Variants in SCFD2 observed in about 807,000 individuals in gnomAD.
The protein encoded by SCFD2 is sec1 family domain containing 2.
SCFD2 carries 54 observed loss-of-function variants against 58.9 expected under a neutral mutation model. The observed-to-expected ratio is 0.92, with a 90% confidence interval of 0.74 to 1.15. The LOEUF is 1.15. Ranked by LOEUF, SCFD2 falls within the 50% of genes most tolerant of loss-of-function variation. The probability of loss-of-function intolerance (pLI) is 0.00; values close to 1 mark genes in which losing one functional copy is unlikely to be tolerated. For synonymous variants in SCFD2, 321 were observed against 335.9 expected (o/e 0.96, Z 0.49); for missense variants, 805 against 836.6 (o/e 0.96, Z 0.47).
intron 5 of SCFD2, among the ~76,000 whole-genome samples, chr4:53,021,293 A>G (rs1722343755): frequency 6.6e-6 from 1 of 152,242 alleles, no homozygotes; most frequent in Non-Finnish European, 1.5e-5. Context: ...GTATCTTTAA[A>G]AGGATAACTT....
At chr4:53,335,217 C>CAA (rs1271483162) in intron 2 of SCFD2, among the ~76,000 whole-genome samples, 1 of 115,094 alleles carries the variant, frequency 8.7e-6, no homozygotes, top group African/African-American at 3.1e-5. Flanking sequence ...AAAAAAACAA[C>CAA]AAAAAAAAAA....
chr4:53,144,322 G>A (rs1307553682), intron 5 of SCFD2, among the ~76,000 whole-genome samples: 2 of 150,540 alleles, frequency 1.3e-5, no homozygotes, highest in Non-Finnish European at 3.0e-5. Context: ...TGTAATATAT[G>A]TGTGTATATA....
intron 4 of SCFD2, among the ~76,000 whole-genome samples, chr4:53,200,976 T>C (rs1577833928): frequency 6.6e-6 from 1 of 150,778 alleles, no homozygotes; most frequent in South Asian, 2.1e-4. Context: ...TTGATATGAT[T>C]TATAATACAA....
intron 4 of SCFD2, among the ~76,000 whole-genome samples, chr4:53,244,168 T>C (rs1729989014): frequency 6.6e-6 from 1 of 151,866 alleles, no homozygotes; most frequent in Non-Finnish European, 1.5e-5. Flanking sequence ...CCACTGACAG[T>C]ATTAGATCAT....
intron 5 of SCFD2, among the ~76,000 whole-genome samples, chr4:52,975,523 A>G (rs1721231938): frequency 6.6e-6 from 1 of 152,196 alleles, no homozygotes; most frequent in African/African-American, 2.4e-5. Flanking sequence ...AGGAAACAAC[A>G]GGTGCTGGAG....
intron 5 of SCFD2, among the ~76,000 whole-genome samples, chr4:52,923,022 A>T (rs1719777041): frequency 6.6e-6 from 1 of 152,240 alleles, no homozygotes; most frequent in Non-Finnish European, 1.5e-5. Context: ...AGCATCCAAA[A>T]GAATCCAGCT....
intron 4 of SCFD2, among the ~76,000 whole-genome samples, chr4:53,196,798 C>T (rs964691706): frequency 1.2e-4 from 18 of 151,094 alleles, no homozygotes; most frequent in African/African-American, 4.4e-4. Flanking sequence ...AAGTCTAAAT[C>T]ATGCCAATGT....
At chr4:53,238,421 T>C (rs1577880623) in intron 4 of SCFD2, among the ~76,000 whole-genome samples, 3 of 106,162 alleles carry the variant, frequency 2.8e-5, no homozygotes, top group Admixed American at 9.6e-5. Flanking sequence ...CCTACCTCCC[T>C]CCCGGATGGG....
rs568968064 is a variant in SCFD2 at position 53,218,593 on chromosome 4, T to G, written c.1311+55233A>C. ...TTCTTTGCGATGGGTTTGCACTTCC[T>G]ACTTTAGCTCAGAGAAGTTTGATCG... On this transcript the variant is annotated intron_variant, in intron 4 of 8. Coordinates refer to ENST00000401642, the MANE Select transcript of SCFD2 (RefSeq NM_152540.4). Among the ~76,000 whole-genome samples the G allele has an allele frequency of 2.0e-5, 3 of 152,366 alleles. No homozygotes were observed. In the South Asian group the frequency reaches 6.2e-4, roughly 32 times the overall value.
At position 53,349,434 on chromosome 4, in the gene SCFD2, T is replaced by C. The variant is rs547425306; in HGVS notation, c.1007+3164A>G. On this transcript the variant is annotated intron_variant, in intron 2 of 8. Transcript: ENST00000401642. ...CAAGGCCACCTTCCACGTGTTAGCA[T>C]TAACTTCCAGATGTGAGCAAGATAG... is the stretch of plus-strand genomic sequence containing the variant. Among the ~76,000 whole-genome samples the C allele has an allele frequency of 2.6e-5, 4 of 152,358 alleles. No homozygotes were observed. In the East Asian group the frequency reaches 7.7e-4, roughly 29 times the overall value.
At chr4:52,931,149 G>A (rs986059119) in intron 5 of SCFD2, among the ~76,000 whole-genome samples, 3 of 152,180 alleles carry the variant, frequency 2.0e-5, no homozygotes, top group African/African-American at 7.2e-5. Context: ...CTAAAAGGTG[G>A]ATTGTTTTTA....
At position 53,365,536 on chromosome 4, in the gene SCFD2, G is replaced by A. The variant is rs1164970347; in HGVS notation, c.406C>T (p.Leu136=). Residue 136 remains leucine (L), a synonymous_variant, in exon 1 of 9, where the codon CTG becomes TTG. Transcript: ENST00000401642. This position sits in a 1 kb window ranked among gnomAD's most constrained non-coding sequence, Gnocchi z 4.3. ...MEGQQPVFEQ[L]EEKLCEWMGN... Reference sequence around the variant, plus strand: ...ATCCATTCACACAGCTTCTCCTCCAGCTGCTCGAACACCGGCTGCTGCCCC... The same window carrying A: ...ATCCATTCACACAGCTTCTCCTCCAACTGCTCGAACACCGGCTGCTGCCCC... 1.9e-6 allele frequency: 3 copies of A among 1,614,214 alleles called. No homozygotes were observed. Among genetic ancestry groups the A allele is most frequent in the South Asian group, 2.2e-5 (2 of 91,086 alleles).
At chr4:53,117,000 A>G (rs1476826332) in intron 5 of SCFD2, among the ~76,000 whole-genome samples, 2 of 152,222 alleles carry the variant, frequency 1.3e-5, no homozygotes, top group Non-Finnish European at 2.9e-5. Flanking sequence ...AAGATTTCTA[A>G]CTAGACCTAG....
intron 5 of SCFD2, among the ~76,000 whole-genome samples, chr4:52,936,701 A>G (rs1450872368): frequency 6.6e-6 from 1 of 152,136 alleles, no homozygotes; most frequent in Non-Finnish European, 1.5e-5. Context: ...TGACTCTAGA[A>G]GCCAACTCCA....
At chr4:53,142,473 A>G (rs1374182668) in intron 5 of SCFD2, among the ~76,000 whole-genome samples, 1 of 152,234 alleles carries the variant, frequency 6.6e-6, no homozygotes, top group African/African-American at 2.4e-5. Context: ...AAAACTGTAC[A>G]TCGGAATAAC....
At chr4:52,887,716 T>C (rs1718771078) in intron 7 of SCFD2, among the ~76,000 whole-genome samples, 1 of 151,982 alleles carries the variant, frequency 6.6e-6, no homozygotes, top group South Asian at 2.1e-4. Context: ...AGAGAGGGAA[T>C]GAAGGTAGTA....
chr4:53,354,291 G>C (rs1471565489), intron 1 of SCFD2, among the ~76,000 whole-genome samples: 2 of 152,214 alleles, frequency 1.3e-5, no homozygotes, highest in African/African-American at 4.8e-5. Context: ...TGGGAGTGCT[G>C]GGGGACCCAG....
chr4:53,127,363 T>A (rs1725657208), intron 5 of SCFD2, among the ~76,000 whole-genome samples: 1 of 152,186 alleles, frequency 6.6e-6, no homozygotes, highest in Non-Finnish European at 1.5e-5. Context: ...TCTTTCTTAT[T>A]CCTTTATTCA....
intron 5 of SCFD2, among the ~76,000 whole-genome samples, chr4:53,020,046 A>C (rs918707384): frequency 2.0e-5 from 3 of 152,194 alleles, no homozygotes; most frequent in Non-Finnish European, 2.9e-5. Context: ...ATTGCAATGC[A>C]GTTTTCTCCT....
Sources: allele counts gnomAD v4.1 joint callset (sites outside exome capture counted in the v4.1 genomes callset), GRCh38; gene constraint gnomAD v4.1.1; non-coding constraint Gnocchi (gnomAD v3.1); transcripts MANE v1.5; gene names NCBI Gene and HGNC (gene_info 2026-07-23, HGNC 2026-07-21).